Variants in SAMD13 observed in about 807,000 individuals in gnomAD.
SAMD13 encodes the protein sterile alpha motif domain-containing protein 13.
A neutral mutation model predicts 12.4 loss-of-function variants in SAMD13; 9 were observed. The ratio of observed to expected loss-of-function variants is 0.72; its 90% CI spans 0.44 to 1.26. SAMD13 has a LOEUF of 1.26. Among genes scored for constraint, SAMD13 ranks in the 50% most tolerant of loss-of-function variants. SAMD13 has a pLI of 0.00. For missense variants in SAMD13, 84 were observed against 119.6 expected (o/e 0.70, Z 1.39); for synonymous variants, 46 against 45.4 (o/e 1.01, Z -0.05).
At chr1:84,333,900 A>G (rs763727310) in intron 3 of SAMD13, among the ~76,000 whole-genome samples, 1 of 152,118 alleles carries the variant, frequency 6.6e-6, no homozygotes, top group Non-Finnish European at 1.5e-5. Context: ...CCGGGGATAA[A>G]GCCTACTTGA....
chr1:84,315,836 A>G (rs1165694453), intron 2 of SAMD13, among the ~76,000 whole-genome samples: 1 of 152,164 alleles, frequency 6.6e-6, no homozygotes, highest in African/African-American at 2.4e-5. Flanking sequence ...CATTTCTACC[A>G]TAGTATACAA....
intron 3 of SAMD13, chr1:84,345,119 C>G: frequency 2.2e-6 from 1 of 456,646 alleles, no homozygotes; most frequent in Non-Finnish European, 4.4e-6. Flanking sequence ...CATTTGAACC[C>G]TTTGTAAGCA....
chr1:84,309,891 A>C (rs775712265), intron 2 of SAMD13, among the ~76,000 whole-genome samples: 34 of 152,278 alleles, frequency 2.2e-4, no homozygotes, highest in East Asian at 5.8e-4. Flanking sequence ...AAAATTTAAA[A>C]TGCGGCAATT....
At chr1:84,316,840 A>G (rs557340748) in intron 2 of SAMD13, among the ~76,000 whole-genome samples, 1 of 152,240 alleles carries the variant, frequency 6.6e-6, no homozygotes, top group African/African-American at 2.4e-5. Flanking sequence ...TCTTCCATCC[A>G]TGAACTTGAG....
intron 3 of SAMD13, among the ~76,000 whole-genome samples, chr1:84,339,948 G>A (rs906199246): frequency 1.3e-5 from 2 of 151,216 alleles, no homozygotes; most frequent in Admixed American, 6.6e-5. Context: ...AAAAGAATAC[G>A]GAGGAGCAAG....
At chr1:84,320,836 A>G (rs1296098529) in intron 2 of SAMD13, among the ~76,000 whole-genome samples, 1 of 152,220 alleles carries the variant, frequency 6.6e-6, no homozygotes, top group Non-Finnish European at 1.5e-5. Context: ...TGAACTTTGA[A>G]GTGGAAATAC....
At chr1:84,316,823 T>C (rs1040659612) in intron 2 of SAMD13, among the ~76,000 whole-genome samples, 2 of 152,150 alleles carry the variant, frequency 1.3e-5, no homozygotes, top group East Asian at 3.8e-4. Context: ...ATTATAACAA[T>C]ATTAAATCTT....
intron 3 of SAMD13, among the ~76,000 whole-genome samples, chr1:84,344,054 G>A (rs547343933): frequency 1.3e-5 from 2 of 148,700 alleles, no homozygotes; most frequent in Non-Finnish European, 3.0e-5. Context: ...ATGTGTTTCA[G>A]GTTTTTGTTT....
intron 2 of SAMD13, among the ~76,000 whole-genome samples, chr1:84,305,055 G>A (rs1377035814): frequency 1.3e-5 from 2 of 152,042 alleles, no homozygotes; most frequent in Non-Finnish European, 2.9e-5. Flanking sequence ...GAATTGGTTG[G>A]GCTCTATGGT....
At position 84,339,071 on chromosome 1, in the gene SAMD13, A is replaced by T. The variant is rs1331119572; in HGVS notation, c.166-10560A>T. 2.0e-5 allele frequency among the ~76,000 whole-genome samples: 3 copies of T among 152,138 alleles called. No homozygotes were observed. In the East Asian group the frequency reaches 5.8e-4, roughly 29 times the overall value. ...CCCATATATACCTTAGATTCCTTGGATTTTGCTTTAACTTTCTCTTGAACC... is the reference window on the plus strand; with the variant it reads ...CCCATATATACCTTAGATTCCTTGGTTTTTGCTTTAACTTTCTCTTGAACC... On this transcript the variant is annotated intron_variant, in intron 3 of 3. Transcript: ENST00000394834.
intron 3 of SAMD13, among the ~76,000 whole-genome samples, chr1:84,335,140 G>T (rs565781147): frequency 2.0e-5 from 3 of 152,136 alleles, no homozygotes; most frequent in East Asian, 3.9e-4. Flanking sequence ...CTGGTAGTAG[G>T]ATGTTGAAGT....
At chr1:84,345,156 A>G (rs1456354979) in intron 3 of SAMD13, 1 of 456,524 alleles carries the variant, frequency 2.2e-6, no homozygotes, top group Admixed American at 2.3e-5. Context: ...CAGACTGGTC[A>G]CCATTTGTAG....
intron 3 of SAMD13, among the ~76,000 whole-genome samples, chr1:84,328,445 C>T (rs1331175081): frequency 6.6e-6 from 1 of 152,138 alleles, no homozygotes; most frequent in Admixed American, 6.5e-5. Context: ...TCTTCATTCT[C>T]ATGGAAGGGT....
In SAMD13 at chr1:84,303,277, G is replaced by T. The variant is rs1217902779; in HGVS notation, c.43G>T (p.Gly15Cys). Residue 15 changes from glycine (G) to cysteine (C), a missense_variant, in exon 2 of 4, where the codon GGT becomes TGT. Gly to Cys is a radical substitution (Grantham distance 159). Coordinates refer to ENST00000394834, the MANE Select transcript of SAMD13 (RefSeq NM_001134663.2). ...GGAAAACAAGGAAAATGGCTCTGTCGGTGTAAAAAAGTAAGTGAAGCTGGC... is the reference window on the plus strand; with the variant it reads ...GGAAAACAAGGAAAATGGCTCTGTCTGTGTAAAAAAGTAAGTGAAGCTGGC... The part of the protein sequence containing the change: ...DMENKENGSV[G>C]VKNSMENGRP... 6.2e-7 allele frequency: 1 copy of T among 1,612,326 alleles called. No homozygotes were observed. Among genetic ancestry groups the T allele is most frequent in the East Asian group, 2.2e-5 (1 of 44,828 alleles).
chr1:84,335,287 C>T (rs1251235435), intron 3 of SAMD13, among the ~76,000 whole-genome samples: 3 of 152,116 alleles, frequency 2.0e-5, no homozygotes, highest in African/African-American at 7.2e-5. Context: ...AGCCCTTTAC[C>T]ATTGTGTAAT....
intron 2 of SAMD13, among the ~76,000 whole-genome samples, chr1:84,309,619 A>G (rs148472312): frequency 7.9e-5 from 12 of 152,286 alleles, no homozygotes; most frequent in Middle Eastern, 3.4e-3. Flanking sequence ...CAAGGCCTAG[A>G]TTCTACTTGA....
chr1:84,325,642 T>G lies in SAMD13; in HGVS notation c.59T>G (p.Met20Arg). ...ENGSVGVKNS[M>R]ENGRPPDPAD... ...TCTGGATTTGTGTTTTGCAGTTCCA[T>G]GGAAAATGGGAGACCACCTGATCCT... The change falls in exon 3 of 4, where the codon ATG becomes AGG. Residue 20 changes from methionine to arginine, a missense_variant. Transcript: ENST00000394834. The G allele has an allele frequency of 6.2e-7, 1 of 1,605,544 alleles. No individual in the cohort carries two copies. The highest frequency in any genetic ancestry group is 8.5e-7 in the Non-Finnish European group (1 of 1,172,448).
At chr1:84,328,397 G>A (rs934440797) in intron 3 of SAMD13, among the ~76,000 whole-genome samples, 2 of 152,150 alleles carry the variant, frequency 1.3e-5, no homozygotes, top group African/African-American at 4.8e-5. Flanking sequence ...ATTCTCAAAG[G>A]ATCAGAGTTT....
intron 2 of SAMD13, among the ~76,000 whole-genome samples, chr1:84,314,970 T>G (rs1337871492): frequency 6.7e-6 from 1 of 148,246 alleles, no homozygotes; most frequent in African/African-American, 2.5e-5. Flanking sequence ...CCGTCCCTCC[T>G]TCTGTCCCTC....
Sources: allele counts gnomAD v4.1 joint callset (sites outside exome capture counted in the v4.1 genomes callset), GRCh38; gene constraint gnomAD v4.1.1; transcripts MANE v1.5; gene names NCBI Gene and HGNC (gene_info 2026-07-23, HGNC 2026-07-21).